ITGAE: variants seen among roughly 807,000 people sequenced by gnomAD.
ITGAE encodes integrin alpha-E.
In ITGAE, 99 loss-of-function variants were observed where a neutral mutation model predicts 136.5. The ratio of observed to expected loss-of-function variants is 0.73; its 90% CI spans 0.62 to 0.86. The LOEUF (loss-of-function observed/expected upper bound fraction) is 0.86. Ranked by LOEUF, ITGAE falls within the 40% of genes least tolerant of loss-of-function variation. The pLI, the probability that ITGAE is intolerant of heterozygous loss-of-function variation, is 0.00. For missense variants in ITGAE, 1,447 were observed against 1,515.3 expected (o/e 0.95, Z 0.75); for synonymous variants, 613 against 591.8 (o/e 1.04, Z -0.52).
At chr17:3,778,147 C>G (rs1366835604) in intron 1 of ITGAE, among the ~76,000 whole-genome samples, 1 of 152,026 alleles carries the variant, frequency 6.6e-6, no homozygotes, top group Non-Finnish European at 1.5e-5. Context: ...AAACTGCAAA[C>G]AACCCAAATG....
At chr17:3,765,101 G>A (rs2143154779) in intron 2 of ITGAE, among the ~76,000 whole-genome samples, 1 of 152,252 alleles carries the variant, frequency 6.6e-6, no homozygotes, top group South Asian at 2.1e-4. Flanking sequence ...TGTAATCCCA[G>A]CACTTTGGGA....
intron 29 of ITGAE, 102 bp from the exon 30 acceptor site, chr17:3,716,900 C>T (rs566588479): frequency 3.0e-6 from 2 of 673,632 alleles, no homozygotes; most frequent in Admixed American, 4.9e-5. Flanking sequence ...TTGGCAACAA[C>T]CCGTGTATTG....
In ITGAE at chr17:3,788,743, A is replaced by AAATAATTATTTAAAAATAATAATTAT. The variant is rs1597370332; in HGVS notation, c.35-11109_35-11084dup. Among the ~76,000 whole-genome samples, 3 of 146,506 alleles carry AAATAATTATTTAAAAATAATAATTAT rather than the reference A, an allele frequency of 2.0e-5. No homozygotes were observed. In the East Asian group the frequency reaches 5.9e-4, roughly 29 times the overall value. On this transcript the variant is annotated intron_variant, in intron 1 of 30. Transcript: ENST00000263087. ...AATTATTTAAAAATAATAATTATTA[A>AAATAATTATTTAAAAATAATAATTAT]AATAATTATTTAAAAATAATAATTA...
In ITGAE at chr17:3,743,577, A is replaced by T; in HGVS notation, c.2360T>A (p.Val787Asp). The T allele has an allele frequency of 1.2e-6, 2 of 1,613,294 alleles. No homozygotes were observed. Among genetic ancestry groups the T allele is most frequent in the Non-Finnish European group, 1.7e-6 (2 of 1,179,772 alleles). ...CTCAGGGGTCTGGAGCTGGTAGCTG[A>T]CTTTGACACTGGCATTGGAGAAGCA... ...EDCFSNASVK[V>D]SYQLQTPEGQ... The change falls in exon 19 of 31, where the codon GTC (valine) becomes GAC (aspartate). Residue 787 changes from valine (V) to aspartate (D), a missense_variant. By Grantham distance (152) the Val-to-Asp change is radical. This residue lies in a region of ITGAE where 1,031 missense variants were observed against 1,011.4 expected (regional missense o/e 1.02). Coordinates refer to ENST00000263087, the MANE Select transcript of ITGAE (RefSeq NM_002208.5).
intron 2 of ITGAE, among the ~76,000 whole-genome samples, chr17:3,777,216 C>T (rs1477735197): frequency 2.0e-5 from 3 of 152,152 alleles, no homozygotes; most frequent in Admixed American, 6.5e-5. Context: ...CCGCCTCGGC[C>T]TCCCAAAGTG....
rs1031551876 is a variant in ITGAE at position 3,764,911 on chromosome 17, C to CG, written c.156-952dup. Among the ~76,000 whole-genome samples the CG allele has an allele frequency of 9.3e-4, 142 of 152,138 alleles. 3 individuals are homozygous for CG. The Middle Eastern group carries it at 0.01, about 11-fold the overall frequency. ...CTGTCCTGAGACAGACAGTGAGCTC[C>CG]GGGGGTTGTCATAGGGGATGGTGGG... On this transcript the variant is annotated intron_variant, in intron 2 of 30. Coordinates refer to ENST00000263087, the MANE Select transcript of ITGAE (RefSeq NM_002208.5).
chr17:3,741,062 T>C (rs2051573330), intron 19 of ITGAE, among the ~76,000 whole-genome samples: 1 of 148,006 alleles, frequency 6.8e-6, no homozygotes, highest in Admixed American at 7.0e-5. Context: ...TGCAGGGTTT[T>C]TTGTTGTATT....
intron 22 of ITGAE, 50 bp from the exon 23 acceptor site, chr17:3,731,233 C>T (rs760929630): frequency 7.3e-7 from 1 of 1,378,286 alleles, no homozygotes; most frequent in Middle Eastern, 1.8e-4. Context: ...ATGCCACTCA[C>T]AATTCAGACC....
At chr17:3,722,224 G>A (rs1440613673) in intron 28 of ITGAE, among the ~76,000 whole-genome samples, 1 of 151,684 alleles carries the variant, frequency 6.6e-6, no homozygotes, top group Admixed American at 6.6e-5. Flanking sequence ...GCTCACGCCT[G>A]TAATCCCAGC....
At chr17:3,725,697 A>C (rs2051193411) in intron 26 of ITGAE, 1 of 1,577,798 alleles carries the variant, frequency 6.3e-7, no homozygotes, top group South Asian at 1.2e-5. Flanking sequence ...AGGCTCTGCA[A>C]ATGACCGGCC....
intron 7 of ITGAE, 94 bp from the exon 8 acceptor site, chr17:3,759,647 C>T: frequency 2.1e-6 from 3 of 1,426,496 alleles, no homozygotes; most frequent in South Asian, 2.4e-5. Flanking sequence ...AAATCCACTC[C>T]TTCTACCTTA....
chr17:3,789,619 AC>A (rs1194689804), intron 1 of ITGAE, among the ~76,000 whole-genome samples: 4 of 145,934 alleles, frequency 2.7e-5, no homozygotes, highest in African/African-American at 1.0e-4. Flanking sequence ...TCCTGCCTCA[AC>A]CTCCCCTGTA....
chr17:3,801,181 G>A lies in ITGAE; in HGVS notation c.-37C>T. The A allele has an allele frequency of 6.2e-7, 1 of 1,606,868 alleles. No homozygotes were observed. Among genetic ancestry groups the A allele is most frequent in the East Asian group, 2.2e-5 (1 of 44,882 alleles). On this transcript the variant is annotated 5_prime_UTR_variant, in exon 1 of 31. Coordinates refer to ENST00000263087, the MANE Select transcript of ITGAE (RefSeq NM_002208.5). ...CAGAGGCGGCTGTGTGGGAGCCGAG[G>A]CGAGTGCGACACATGGGCCGTGGCC... is the stretch of plus-strand genomic sequence containing the variant.
At position 3,723,640 on chromosome 17, in the gene ITGAE, C is replaced by A. The variant is rs375470931; in HGVS notation, c.3141+48G>T. On this transcript the variant is annotated intron_variant, in intron 27 of 30. Coordinates refer to ENST00000263087, the MANE Select transcript of ITGAE (RefSeq NM_002208.5). ...CAGTCTCCTGGCCTCTCGTTACCCG[C>A]TTCAGGCCCTCCGCCCTCCCCTGGC... 1.1e-4 allele frequency: 162 copies of A among 1,518,064 alleles called. No homozygotes were observed. The African/African-American group carries it at 2.0e-3, about 19-fold the overall frequency. 94.0% of individuals were successfully genotyped at this position (1,518,064 alleles called of 1,614,324 possible). A position where few individuals can be genotyped will look rare whatever the true frequency, so the allele number is the denominator to read the frequency against.
rs1240072824 is a variant in ITGAE, at chr17:3,765,222, G to A, written c.156-1262C>T. Among the ~76,000 whole-genome samples, 5 of 151,716 alleles carry A rather than the reference G, an allele frequency of 3.3e-5. 1 individual carries two copies. The highest frequency in any genetic ancestry group is 7.4e-5 in the Non-Finnish European group (5 of 67,928). On this transcript the variant is annotated intron_variant, in intron 2 of 30. Transcript: ENST00000263087. ...AAATTAGCCGGGCGTGGTGGCGGGT[G>A]CCTGTAGTCCCAGCTACTCGGGAGC...
intron 1 of ITGAE, among the ~76,000 whole-genome samples, chr17:3,782,621 C>T (rs529523028): frequency 1.9e-4 from 29 of 152,088 alleles, no homozygotes; most frequent in Non-Finnish European, 3.5e-4. Context: ...AGCCGTTCAA[C>T]GTGCTGGGAT....
intron 2 of ITGAE, among the ~76,000 whole-genome samples, chr17:3,773,007 C>T (rs1388966619): frequency 6.6e-6 from 1 of 152,196 alleles, no homozygotes; most frequent in African/African-American, 2.4e-5. Context: ...TCAGCCCTCA[C>T]AGGTCGAGGT....
At chr17:3,788,293 T>C (rs1357147041) in intron 1 of ITGAE, among the ~76,000 whole-genome samples, 2 of 151,784 alleles carry the variant, frequency 1.3e-5, no homozygotes, top group Admixed American at 1.3e-4. Context: ...ATGTTTTCTT[T>C]CTTTTTTGCT....
chr17:3,717,523 A>AG (rs1179237980), intron 29 of ITGAE: 1 of 152,162 alleles, frequency 6.6e-6, no homozygotes, highest in African/African-American at 2.4e-5. Flanking sequence ...CCTGAGACCC[A>AG]GGTATGGCCC....
Sources: gnomAD v4.1 joint callset for allele counts (sites outside exome capture counted in the v4.1 genomes callset) on GRCh38, gnomAD v4.1.1 for gene constraint, gnomAD v4.1.1 regional missense constraint, MANE v1.5 for transcripts, NCBI Gene and HGNC (gene_info 2026-07-23, HGNC 2026-07-21) for gene names.